NDST4: variants seen among roughly 807,000 people sequenced by gnomAD.
The protein encoded by NDST4 is N-deacetylase and N-sulfotransferase 4, also known as N-heparan sulfate sulfotransferase 4.
Under a neutral mutation model 100.8 loss-of-function variants are expected in NDST4, and 63 were observed. That is an observed-to-expected ratio of 0.62 (90% CI 0.51 to 0.77). The LOEUF is 0.77. Ranked by LOEUF, NDST4 falls within the 30% of genes least tolerant of loss-of-function variation. NDST4 has a pLI of 0.00. For missense variants in NDST4, 943 were observed against 1,018.4 expected (o/e 0.93, Z 1.01); for synonymous variants, 377 against 361.8 (o/e 1.04, Z -0.48).
chr4:114,900,477 C>A (rs1724813120), intron 6 of NDST4, among the ~76,000 whole-genome samples: 1 of 152,036 alleles, frequency 6.6e-6, no homozygotes, highest in Non-Finnish European at 1.5e-5. Context: ...ACTATGTATA[C>A]AAGGATGGTC....
chr4:114,836,443 G>GC (rs1184608076), intron 11 of NDST4, among the ~76,000 whole-genome samples: 1 of 151,988 alleles, frequency 6.6e-6, no homozygotes, highest in Non-Finnish European at 1.5e-5. Context: ...TTTAATATTG[G>GC]CCCCCACTCT....
At chr4:114,976,182 A>G (rs1272446736) in intron 3 of NDST4, among the ~76,000 whole-genome samples, 1 of 152,100 alleles carries the variant, frequency 6.6e-6, no homozygotes, top group Non-Finnish European at 1.5e-5. Context: ...TATGAAAACT[A>G]AAGACTACCT....
chr4:115,039,620 A>C (rs1395303371), intron 2 of NDST4, among the ~76,000 whole-genome samples: 1 of 152,146 alleles, frequency 6.6e-6, no homozygotes, highest in African/African-American at 2.4e-5. Context: ...TAAAATAAAA[A>C]ATTTGCATCG....
At chr4:115,037,224 A>G (rs912085425) in intron 2 of NDST4, among the ~76,000 whole-genome samples, 6 of 152,106 alleles carry the variant, frequency 3.9e-5, no homozygotes, top group Admixed American at 2.0e-4. Flanking sequence ...TCTGGTGAAC[A>G]TTGGTAGAGA....
chr4:114,951,355 C>T (rs1725986477), intron 4 of NDST4, among the ~76,000 whole-genome samples: 1 of 151,924 alleles, frequency 6.6e-6, no homozygotes, highest in African/African-American at 2.4e-5. Context: ...TGGAGAATTG[C>T]AAAGCAAATT....
chr4:114,841,927 A>AT (rs1457109797), intron 10 of NDST4, among the ~76,000 whole-genome samples: 4 of 152,180 alleles, frequency 2.6e-5, no homozygotes, highest in African/African-American at 7.2e-5. Flanking sequence ...TCAGTAATAC[A>AT]TTTTTTATTA....
At chr4:114,918,404 AG>A (rs1214657564) in intron 6 of NDST4, among the ~76,000 whole-genome samples, 6 of 66,480 alleles carry the variant, frequency 9.0e-5, no homozygotes, top group Non-Finnish European at 1.6e-4. Context: ...GGGTGGGGGG[AG>A]GGGGGAGGGA....
At chr4:115,088,673 A>G (rs1729454666) in intron 1 of NDST4, among the ~76,000 whole-genome samples, 1 of 151,772 alleles carries the variant, frequency 6.6e-6, no homozygotes, top group East Asian at 1.9e-4. Flanking sequence ...AACTGCCCTA[A>G]TTTTTCTCTT....
At chr4:115,100,012 A>T (rs1166215371) in intron 1 of NDST4, among the ~76,000 whole-genome samples, 3 of 152,158 alleles carry the variant, frequency 2.0e-5, no homozygotes, top group Non-Finnish European at 4.4e-5. Context: ...CCACAGAAAT[A>T]CATGGATGAA....
chr4:114,912,160 G>T (rs932928132), intron 6 of NDST4, among the ~76,000 whole-genome samples: 1 of 152,092 alleles, frequency 6.6e-6, no homozygotes, highest in African/African-American at 2.4e-5. Flanking sequence ...GTTTTTTCAG[G>T]ATTTCTTTCA....
chr4:114,967,377 C>T (rs1275358585), intron 4 of NDST4, among the ~76,000 whole-genome samples: 1 of 152,134 alleles, frequency 6.6e-6, no homozygotes, highest in African/African-American at 2.4e-5. Flanking sequence ...TCTAGCCACG[C>T]TGACTAAACA....
chr4:115,077,609 T>G (rs191121319), intron 1 of NDST4, among the ~76,000 whole-genome samples: 1 of 152,292 alleles, frequency 6.6e-6, no homozygotes, highest in Non-Finnish European at 1.5e-5. Flanking sequence ...AGTATGTCAG[T>G]TACCATAAAA....
At chr4:115,016,659 A>G (rs1167245948) in intron 2 of NDST4, among the ~76,000 whole-genome samples, 1 of 152,096 alleles carries the variant, frequency 6.6e-6, no homozygotes, top group Admixed American at 6.6e-5. Context: ...ATAGTACTCC[A>G]CAATGGAGGA....
At chr4:114,970,703 C>G (rs1726493858) in intron 3 of NDST4, 119 bp from the exon 4 acceptor site, 3 of 842,156 alleles carry the variant, frequency 3.6e-6, no homozygotes, top group South Asian at 4.4e-5. Context: ...ATTCTGTGGG[C>G]TTTTTAAATC....
intron 2 of NDST4, among the ~76,000 whole-genome samples, chr4:115,070,241 A>G (rs573094642): frequency 1.3e-5 from 2 of 152,340 alleles, no homozygotes; most frequent in South Asian, 4.1e-4. Flanking sequence ...CTATAACAAG[A>G]ATGAGATCAT....
At chr4:115,035,592 A>C (rs1728215718) in intron 2 of NDST4, among the ~76,000 whole-genome samples, 1 of 152,106 alleles carries the variant, frequency 6.6e-6, no homozygotes, top group South Asian at 2.1e-4. Context: ...CTTAATGTTA[A>C]ATATTAAAAT....
At chr4:114,986,830 A>ATATATATTTATT (rs1553959396) in intron 2 of NDST4, among the ~76,000 whole-genome samples, 32 of 91,958 alleles carry the variant, frequency 3.5e-4, no homozygotes, top group African/African-American at 1.3e-3. Context: ...ATATATATAT[A>ATATATATTTATT]TATTTTAATA....
intron 2 of NDST4, among the ~76,000 whole-genome samples, chr4:115,014,700 GT>G (rs1204983586): frequency 6.6e-6 from 1 of 152,028 alleles, no homozygotes; most frequent in Non-Finnish European, 1.5e-5. Context: ...GCTGCTTGGA[GT>G]TTTTGGCAGG....
intron 1 of NDST4, among the ~76,000 whole-genome samples, chr4:115,112,397 T>A (rs967758305): frequency 6.6e-6 from 1 of 151,856 alleles, no homozygotes; most frequent in Admixed American, 6.6e-5. Flanking sequence ...CACATCAGTA[T>A]CTTGGTATGC....
Sources: allele counts gnomAD v4.1 joint callset (sites outside exome capture counted in the v4.1 genomes callset), GRCh38; gene constraint gnomAD v4.1.1; transcripts MANE v1.5; gene names NCBI Gene and HGNC (gene_info 2026-07-23, HGNC 2026-07-21).